The following QPCTL variants were observed in gnomAD, a reference collection of about 807,000 sequenced individuals.
QPCTL encodes the protein glutaminyl-peptide cyclotransferase like.
QPCTL carries 31 observed loss-of-function variants against 34.6 expected under a neutral mutation model. The ratio of observed to expected loss-of-function variants is 0.90; its 90% CI spans 0.67 to 1.21. QPCTL has a LOEUF of 1.21. QPCTL is among the 50% of genes most tolerant of loss of function. The probability of loss-of-function intolerance (pLI) is 0.00; values close to 1 mark genes in which losing one functional copy is unlikely to be tolerated. For missense variants in QPCTL, 474 were observed against 507.8 expected (o/e 0.93, Z 0.64); for synonymous variants, 223 against 226.9 (o/e 0.98, Z 0.15).
intron 5 of QPCTL, among the ~76,000 whole-genome samples, chr19:45,699,563 C>T (rs928001726): frequency 1.1e-4 from 16 of 151,876 alleles, no homozygotes; most frequent in Non-Finnish European, 2.2e-4. Flanking sequence ...CTTTGAGAGG[C>T]AGGTGGATCA....
Position 45,701,832 on chromosome 19 carries a change from T to A in QPCTL, c.921T>A (p.Ser307=). 6.2e-7 allele frequency: 1 copy of A among 1,614,006 alleles called. No homozygotes were observed. Among genetic ancestry groups the A allele is most frequent in the Non-Finnish European group, 8.5e-7 (1 of 1,179,938 alleles). Residue 307 remains serine, a synonymous_variant, in exon 6 of 7, where the codon TCT becomes TCA. Coordinates refer to ENST00000012049, the MANE Select transcript of QPCTL (RefSeq NM_017659.4). ...TGCACCGTTTGAACCTGCTGCAGTC[T>A]CATCCCCAGGAAGTGATGTACTTCC... is the stretch of plus-strand genomic sequence containing the variant. The part of the protein sequence containing the change: ...KRLHRLNLLQ[S]HPQEVMYFQP...
chr19:45,702,158 A>G (rs1427005216), intron 6 of QPCTL, among the ~76,000 whole-genome samples: 2 of 152,074 alleles, frequency 1.3e-5, no homozygotes, highest in African/African-American at 2.4e-5. Flanking sequence ...CAAGCATTCC[A>G]GAAATGTTTG....
chr19:45,700,954 T>A (rs1967798848), intron 5 of QPCTL, among the ~76,000 whole-genome samples: 1 of 124,046 alleles, frequency 8.1e-6, no homozygotes. Flanking sequence ...CAAGACTCTG[T>A]CTCAAAAAAA....
chr19:45,693,938 G>T (rs1482352384), intron 2 of QPCTL, among the ~76,000 whole-genome samples: 4 of 152,096 alleles, frequency 2.6e-5, no homozygotes, highest in Non-Finnish European at 4.4e-5. Context: ...GGAAGCCAAG[G>T]TGGAAGAATC....
chr19:45,698,528 C>A lies in QPCTL; in HGVS notation c.634-19C>A, dbSNP rs747506442. The A allele has an allele frequency of 3.1e-6, 5 of 1,613,176 alleles. No homozygotes were observed. The East Asian group carries it at 6.7e-5, about 22-fold the overall frequency. On this transcript the variant is annotated intron_variant, in intron 3 of 6. Transcript: ENST00000012049. ...CTAGTCCTGAGCTGGCTCTGGCCAC[C>A]CCCCTGCTGCTCCCACAGGCAGCCC...
At chr19:45,693,133 G>A (rs895105074) in intron 1 of QPCTL, among the ~76,000 whole-genome samples, 1 of 152,122 alleles carries the variant, frequency 6.6e-6, no homozygotes, top group Non-Finnish European at 1.5e-5. Context: ...GGGGGTTCAG[G>A]GTTCTACGCC....
intron 1 of QPCTL, 81 bp downstream of exon 1, chr19:45,692,991 G>C: frequency 7.1e-7 from 1 of 1,405,150 alleles, no homozygotes; most frequent in Non-Finnish European, 9.6e-7. Context: ...TGGCTTTAGC[G>C]TACGGCCCTA....
chr19:45,694,105 C>A (rs948220899), intron 2 of QPCTL, among the ~76,000 whole-genome samples: 1 of 152,050 alleles, frequency 6.6e-6, no homozygotes, highest in African/African-American at 2.4e-5. Flanking sequence ...AAAGGCCAGG[C>A]GCAGTGGTTC....
Position 45,693,487 on chromosome 19 carries a change from G to A in QPCTL, c.282G>A (p.Trp94Ter). Residue 94 changes from tryptophan to a stop codon, truncating the protein, a stop_gained, in exon 2 of 7, where the codon TGG (tryptophan) becomes TGA (stop). Transcript: ENST00000012049. LOFTEE classifies it high-confidence loss of function. Reference sequence around the variant, plus strand: ...GACAACTGGATCCACAGCGTCTCTGGAGCACTTATCTGCGCCCCCTGCTGG... The same window carrying A: ...GACAACTGGATCCACAGCGTCTCTGAAGCACTTATCTGCGCCCCCTGCTGG... ...VVGQLDPQRL[W>*]STYLRPLLVV... The A allele has an allele frequency of 3.1e-6, 5 of 1,613,392 alleles. No homozygotes were observed. The highest frequency in any genetic ancestry group is 4.2e-6 in the Non-Finnish European group (5 of 1,179,656).
chr19:45,699,011 G>T, intron 5 of QPCTL, 111 bp downstream of exon 5: 1 of 848,752 alleles, frequency 1.2e-6, no homozygotes, highest in Non-Finnish European at 1.8e-6. Flanking sequence ...ACCAGTCTGG[G>T]CCACATAGGG....
At chr19:45,698,434 T>G (rs1967743243) in intron 3 of QPCTL, 113 bp from the exon 4 acceptor site, 1 of 1,287,034 alleles carries the variant, frequency 7.8e-7, no homozygotes, top group Non-Finnish European at 1.1e-6. Context: ...GTTCTATGAG[T>G]GAGGACACCT....
chr19:45,695,849 T>G, intron 3 of QPCTL, 131 bp downstream of exon 3: 1 of 23,146 alleles, frequency 4.3e-5, no homozygotes, highest in East Asian at 4.2e-3. Context: ...CACAGGGATC[T>G]TTTTTTTTTT....
chr19:45,695,758 A>G (rs1166233603), intron 3 of QPCTL, 40 bp downstream of exon 3: 5 of 1,519,778 alleles, frequency 3.3e-6, no homozygotes, highest in Non-Finnish European at 4.4e-6. Flanking sequence ...GGCTACCTCC[A>G]CCTTTTCCCA....
Position 45,698,705 on chromosome 19 carries a change from A to T in QPCTL, c.786+6A>T, listed in dbSNP as rs1967752294. 3 of 1,613,936 alleles carry T rather than the reference A, an allele frequency of 1.9e-6. No individual in the cohort carries two copies. Among genetic ancestry groups the T allele is most frequent in the Non-Finnish European group, 2.5e-6 (3 of 1,179,920 alleles). ...CCACCAGGATCCAGGCTATTGTAAG[A>T]CCAGGGTCCCCTGGCTTCTGGCGAG... On this transcript the variant is annotated splice_donor_region_variant and intron_variant, in intron 4 of 6. Transcript: ENST00000012049.
intron 5 of QPCTL, 28 bp from the exon 6 acceptor site, chr19:45,701,770 C>A: frequency 6.4e-7 from 1 of 1,564,340 alleles, no homozygotes; most frequent in Non-Finnish European, 8.8e-7. Context: ...AGGACTAACC[C>A]TTCCTCTCTA....
At chr19:45,699,931 CAAA>C (rs35011463) in intron 5 of QPCTL, among the ~76,000 whole-genome samples, 2 of 90,098 alleles carry the variant, frequency 2.2e-5, no homozygotes, top group Non-Finnish European at 2.1e-5. Flanking sequence ...GACTCCATCT[CAAA>C]AAAAAAAAAA....
At chr19:45,696,359 G>A in intron 3 of QPCTL, among the ~76,000 whole-genome samples, 1 of 152,080 alleles carries the variant, frequency 6.6e-6, no homozygotes, top group East Asian at 1.9e-4. Context: ...TTGGGAGGTT[G>A]AGGTGGGTGG....
At chr19:45,702,016 CT>C in intron 6 of QPCTL, 102 bp downstream of exon 6, 1 of 858,304 alleles carries the variant, frequency 1.2e-6, no homozygotes. Flanking sequence ...GCTAAGTGGC[CT>C]TAACCTCTTT....
intron 5 of QPCTL, among the ~76,000 whole-genome samples, chr19:45,700,051 T>C (rs1181870050): frequency 6.8e-6 from 1 of 148,048 alleles, no homozygotes; most frequent in East Asian, 2.0e-4. Context: ...CAGTAAGCTG[T>C]GATCACACCA....
Sources: gnomAD v4.1 joint callset for allele counts (sites outside exome capture counted in the v4.1 genomes callset) on GRCh38, gnomAD v4.1.1 for gene constraint, MANE v1.5 for transcripts, NCBI Gene and HGNC (gene_info 2026-07-23, HGNC 2026-07-21) for gene names.